Variants in FOXP2 observed in about 807,000 individuals in gnomAD.
The protein encoded by FOXP2 is forkhead box protein P2.
FOXP2 carries 12 observed loss-of-function variants against 115.8 expected under a neutral mutation model. That is an observed-to-expected ratio of 0.10 (90% confidence interval 0.07 to 0.17). FOXP2 has a LOEUF of 0.17. Among genes scored for constraint, FOXP2 ranks in the 10% least tolerant of loss-of-function variants. FOXP2 has a pLI of 1.00. For synonymous variants in FOXP2, 328 were observed against 297.7 expected (o/e 1.10, Z -1.05); for missense variants, 629 against 843.5 (o/e 0.75, Z 3.15).
chr7:114,632,035 G>A (rs966036123), intron 6 of FOXP2, among the ~76,000 whole-genome samples: 3 of 152,158 alleles, frequency 2.0e-5, no homozygotes, highest in Non-Finnish European at 4.4e-5. Context: ...TTGGATTACC[G>A]GGAAGGCTGA....
intron 2 of FOXP2, among the ~76,000 whole-genome samples, chr7:114,305,734 A>G (rs547435914): frequency 2.0e-5 from 3 of 152,270 alleles, no homozygotes; most frequent in African/African-American, 7.2e-5. Flanking sequence ...AGTTAATGAA[A>G]ACACTTAAAG....
intron 1 of FOXP2, among the ~76,000 whole-genome samples, chr7:114,091,072 T>C (rs544561468): frequency 6.6e-6 from 1 of 151,924 alleles, no homozygotes; most frequent in Non-Finnish European, 1.5e-5. Flanking sequence ...TATTGTTTTC[T>C]TGCAGATATT....
At chr7:114,134,796 A>C (rs1390909269) in intron 1 of FOXP2, among the ~76,000 whole-genome samples, 2 of 152,054 alleles carry the variant, frequency 1.3e-5, no homozygotes, top group Non-Finnish European at 2.9e-5. Context: ...AGCTTCCTAC[A>C]CTACTCTTCT....
chr7:114,596,125 TAGC>T (rs1373547988), intron 3 of FOXP2, among the ~76,000 whole-genome samples: 1 of 152,036 alleles, frequency 6.6e-6, no homozygotes, highest in Non-Finnish European at 1.5e-5. Flanking sequence ...CTAGTACAGT[TAGC>T]AATTCTTTTT....
rs575237178 is a variant in FOXP2, at chr7:114,564,800, G to T, written c.258+30094G>T. 4.6e-3 allele frequency among the ~76,000 whole-genome samples: 699 copies of T among 150,428 alleles called. 4 individuals carry two copies. Among genetic ancestry groups the T allele is most frequent in the African/African-American group, 0.017 (676 of 40,820 alleles). On this transcript the variant is annotated intron_variant, in intron 3 of 16. Transcript: ENST00000350908. ...GGAGACTGAGGTGAGAGGATTACTT[G>T]ATCCTAAGTGGTGGATGCTGCAGTG...
chr7:114,363,427 A>G (rs1193963028), intron 2 of FOXP2, among the ~76,000 whole-genome samples: 1 of 152,158 alleles, frequency 6.6e-6, no homozygotes, highest in Admixed American at 6.6e-5. Flanking sequence ...TATGTGGGAA[A>G]AAGTATGTCA....
intron 3 of FOXP2, among the ~76,000 whole-genome samples, chr7:114,548,277 C>G (rs1800032234): frequency 6.6e-6 from 1 of 152,234 alleles, no homozygotes; most frequent in Non-Finnish European, 1.5e-5. Context: ...TTCTGTTTCT[C>G]TTTCACCATC....
At chr7:114,597,712 C>A (rs1446934269) in intron 3 of FOXP2, among the ~76,000 whole-genome samples, 2 of 152,092 alleles carry the variant, frequency 1.3e-5, no homozygotes, top group Admixed American at 1.3e-4. Context: ...TAAATCTGTC[C>A]AGTGTACAAA....
At chr7:114,424,293 G>T (rs921001087) in intron 1 of FOXP2, among the ~76,000 whole-genome samples, 1 of 151,254 alleles carries the variant, frequency 6.6e-6, no homozygotes, top group African/African-American at 2.4e-5. Context: ...AGTAAATGCT[G>T]CACCTGTCTG....
chr7:114,660,131 A>T (rs1477490996), intron 13 of FOXP2, among the ~76,000 whole-genome samples: 3 of 152,162 alleles, frequency 2.0e-5, no homozygotes, highest in Non-Finnish European at 4.4e-5. Context: ...GGCCATGGCT[A>T]CTCAGCTGGA....
intron 3 of FOXP2, among the ~76,000 whole-genome samples, chr7:114,567,739 A>C (rs1222702498): frequency 6.6e-6 from 1 of 152,056 alleles, no homozygotes; most frequent in Non-Finnish European, 1.5e-5. Context: ...ACTTCTTTAC[A>C]AACCTGCGGC....
intron 1 of FOXP2, among the ~76,000 whole-genome samples, chr7:114,152,405 A>G (rs1013371255): frequency 3.9e-5 from 6 of 152,216 alleles, no homozygotes; most frequent in Non-Finnish European, 8.8e-5. Flanking sequence ...ACATACTTCT[A>G]CAGATGGTAG....
At chr7:114,211,724 G>A (rs1459359649) in intron 1 of FOXP2, among the ~76,000 whole-genome samples, 2 of 152,098 alleles carry the variant, frequency 1.3e-5, no homozygotes, top group Admixed American at 6.5e-5. Context: ...TGCACTGTCC[G>A]GGAGTCATGT....
At chr7:114,486,737 CCCCA>C (rs2129240832) in intron 2 of FOXP2, among the ~76,000 whole-genome samples, 1 of 152,290 alleles carries the variant, frequency 6.6e-6, no homozygotes, top group East Asian at 1.9e-4. Flanking sequence ...GCCATGCAGG[CCCCA>C]TGCAAGTTTG....
At chr7:114,562,786 TTCA>T (rs1800817275) in intron 3 of FOXP2, among the ~76,000 whole-genome samples, 2 of 149,376 alleles carry the variant, frequency 1.3e-5, no homozygotes, top group Non-Finnish European at 3.0e-5. Flanking sequence ...TTTTTTTTTC[TTCA>T]TCATTAGGCC....
At chr7:114,491,304 C>T (rs1797040403) in intron 2 of FOXP2, among the ~76,000 whole-genome samples, 1 of 152,204 alleles carries the variant, frequency 6.6e-6, no homozygotes, top group South Asian at 2.1e-4. Flanking sequence ...TAAATGTCTT[C>T]TTTGGAGAAG....
chr7:114,245,123 T>C (rs1795249001), intron 1 of FOXP2, among the ~76,000 whole-genome samples: 1 of 152,224 alleles, frequency 6.6e-6, no homozygotes, highest in Non-Finnish European at 1.5e-5. Context: ...TAATCATTAC[T>C]TTTTCATTAT....
At chr7:114,605,948 A>G (rs1343289205) in intron 3 of FOXP2, among the ~76,000 whole-genome samples, 1 of 152,212 alleles carries the variant, frequency 6.6e-6, no homozygotes, top group Non-Finnish European at 1.5e-5. Flanking sequence ...TTGGAGATGC[A>G]AGACATTAGA....
intron 2 of FOXP2, among the ~76,000 whole-genome samples, chr7:114,465,934 C>A (rs931200885): frequency 3.3e-5 from 5 of 152,190 alleles, no homozygotes; most frequent in African/African-American, 1.2e-4. Flanking sequence ...TGTTGAGGCT[C>A]ACTGCTAAGC....
Sources: gnomAD v4.1 joint callset for allele counts (sites outside exome capture counted in the v4.1 genomes callset) on GRCh38, gnomAD v4.1.1 for gene constraint, MANE v1.5 for transcripts, NCBI Gene and HGNC (gene_info 2026-07-23, HGNC 2026-07-21) for gene names.